The following SBNO2 variants were observed in gnomAD, a reference collection of about 807,000 sequenced individuals.
SBNO2 encodes strawberry notch homolog 2, also known as protein strawberry notch homolog 2.
Under a neutral mutation model 146.3 loss-of-function variants are expected in SBNO2, and 89 were observed. That is an observed-to-expected ratio of 0.61 (90% CI 0.51 to 0.73). The LOEUF is 0.73. SBNO2 is among the 30% of genes least tolerant of loss of function. The pLI is 0.00. For missense variants in SBNO2, 2,092 were observed against 2,003.7 expected, an observed-to-expected ratio of 1.04 and a Z score of -0.84; for synonymous variants, 1,147 against 892.6, an observed-to-expected ratio of 1.29 and a Z score of -5.08.
At chr19:1,171,276 G>A (rs1051294382) in intron 1 of SBNO2, among the ~76,000 whole-genome samples, 2 of 151,568 alleles carry the variant, frequency 1.3e-5, no homozygotes, top group Admixed American at 6.6e-5. Flanking sequence ...ACGCGCACAC[G>A]TCCGTACGAC....
Position 1,158,529 on chromosome 19 carries a change from C to T in SBNO2, c.-126-4127G>A, listed in dbSNP as rs1400920761. On this transcript the variant is annotated intron_variant, in intron 1 of 31. Coordinates refer to ENST00000361757, the MANE Select transcript of SBNO2 (RefSeq NM_014963.3). This position sits in a 1 kb window ranked among gnomAD's most constrained non-coding sequence, Gnocchi z 9.9. The stretch of plus-strand genomic sequence containing the variant: ...CCAGGGCGCACGGCACACCCCAGAG[C>T]GCTCCGCCCAGGCCCGGGTTCTGGT... 6.6e-6 allele frequency among the ~76,000 whole-genome samples: 1 copy of T among 152,308 alleles called. No individual in the cohort carries two copies. The highest frequency in any genetic ancestry group is 1.5e-5 in the Non-Finnish European group (1 of 68,010).
At chr19:1,159,922 G>A (rs2080328373) in intron 1 of SBNO2, among the ~76,000 whole-genome samples, 1 of 151,972 alleles carries the variant, frequency 6.6e-6, no homozygotes. Context: ...AGTGGCAGAG[G>A]AGGGGGCCAG....
intron 2 of SBNO2, among the ~76,000 whole-genome samples, chr19:1,151,695 C>CTCTG (rs2080243865): frequency 6.6e-6 from 1 of 151,296 alleles, no homozygotes; most frequent in African/African-American, 2.5e-5. Flanking sequence ...CGGAGTCTCA[C>CTCTG]TCTGTCACCC....
chr19:1,149,606 C>T (rs544167804), intron 2 of SBNO2, among the ~76,000 whole-genome samples, 164 bp from the exon 3 acceptor site: 19 of 152,290 alleles, frequency 1.2e-4, no homozygotes, highest in Admixed American at 5.9e-4. Context: ...TTAACTGCCC[C>T]GTGCCTCAGT....
chr19:1,118,880 C>CAA (rs3842428), intron 14 of SBNO2, 131 bp downstream of exon 14: 139 of 899,742 alleles, frequency 1.5e-4, no homozygotes, highest in South Asian at 7.4e-4. Context: ...AAAAAAACAA[C>CAA]AAAAAAAAAA....
Position 1,108,484 on chromosome 19 carries a change from C to T in SBNO2, c.3837G>A (p.Pro1279=), listed in dbSNP as rs1180758571. Residue 1279 remains proline, a synonymous_variant, in exon 32 of 32, where the codon CCG becomes CCA. Coordinates refer to ENST00000361757, the MANE Select transcript of SBNO2 (RefSeq NM_014963.3). The stretch of plus-strand genomic sequence containing the variant: ...CGCCGGGGCCGGCGTCCAGGGACAG[C>T]GGCGCCGGGAAAGAGAAGTGCGGGG... ...PPPPHFSFPA[P]LSLDAGPGVV... is the part of the protein sequence containing the mutation. 6.6e-6 allele frequency: 8 copies of T among 1,216,580 alleles called. No individual in the cohort carries two copies. Among genetic ancestry groups the T allele is most frequent in the South Asian group, 2.6e-5 (1 of 39,136 alleles). 75.4% of individuals were successfully genotyped at this position (1,216,580 alleles called of 1,614,324 possible).
chr19:1,151,050 CAG>C (rs1308970356), intron 2 of SBNO2, among the ~76,000 whole-genome samples: 1 of 152,286 alleles, frequency 6.6e-6, no homozygotes, highest in African/African-American at 2.4e-5. Context: ...CCACCAGCCA[CAG>C]GGGCTCCAGA....
chr19:1,171,748 C>T (rs2080480167), intron 1 of SBNO2, among the ~76,000 whole-genome samples: 2 of 150,746 alleles, frequency 1.3e-5, no homozygotes, highest in Admixed American at 6.6e-5. Context: ...TTGGGGGAGG[C>T]CTTAGGCAGC....
intron 2 of SBNO2, among the ~76,000 whole-genome samples, chr19:1,151,521 G>A (rs781165588): frequency 6.6e-6 from 1 of 152,256 alleles, no homozygotes; most frequent in African/African-American, 2.4e-5. Flanking sequence ...GGGCATGGCA[G>A]GCCAATCAGA....
rs972597562 is a variant in SBNO2 at position 1,122,758 on chromosome 19, C to T, written c.814G>A (p.Ala272Thr). The T allele has an allele frequency of 4.6e-5, 70 of 1,537,450 alleles. No individual in the cohort carries two copies. The highest frequency in any genetic ancestry group is 5.1e-5 in the Non-Finnish European group (58 of 1,146,530). Residue 272 changes from alanine to threonine, a missense_variant, in exon 9 of 32, where the codon GCG (alanine) becomes ACG (threonine). Coordinates refer to ENST00000361757, the MANE Select transcript of SBNO2 (RefSeq NM_014963.3). ...HEVLLPSGQR[A>T]GFLIGDGAGV... ...GCCCCATCGCCGATGAGAAAGCCCGCGCGCTGCCCGCTGGGGAGCAGGACC... is the reference window on the plus strand; with the variant it reads ...GCCCCATCGCCGATGAGAAAGCCCGTGCGCTGCCCGCTGGGGAGCAGGACC...
rs567702755 is a variant in SBNO2 at position 1,116,989 on chromosome 19, C to G, written c.1705-63G>C. ...CTGTGGGGCCTCTGTGGGGCCAGAA[C>G]CTGCCAGGCCTGGGGTGATGGCCAC... On this transcript the variant is annotated intron_variant, in intron 15 of 31. Transcript: ENST00000361757. 697 of 1,439,216 alleles carry G rather than the reference C, an allele frequency of 4.8e-4. 8 individuals are homozygous for G. The South Asian group carries it at 8.0e-3, about 16-fold the overall frequency. The allele number at this position is 1,439,216 out of a possible 1,614,324, so 89.2% of individuals were successfully genotyped here.
At chr19:1,115,917 C>T in intron 17 of SBNO2, 104 bp downstream of exon 17, 1 of 906,696 alleles carries the variant, frequency 1.1e-6, no homozygotes, top group Non-Finnish European at 1.7e-6. Flanking sequence ...CTGCATTTGG[C>T]TGAGTGGACG....
Position 1,109,625 on chromosome 19 carries a change from TGA to T in SBNO2, c.3124-29_3124-28del. ...TGCCACGGCACGGGGTGGGGGGGTGTGAGTGTGGTGGGGGCGGGGTGGGCAGA... is the reference window on the plus strand; with the variant it reads ...TGCCACGGCACGGGGTGGGGGGGTGTGTGTGGTGGGGGCGGGGTGGGCAGA... On this transcript the variant is annotated intron_variant, in intron 27 of 31. Coordinates refer to ENST00000361757, the MANE Select transcript of SBNO2 (RefSeq NM_014963.3). The surrounding 1 kb of genome is among the most constrained non-coding windows in gnomAD (Gnocchi z 4.2). 1.4e-6 allele frequency: 2 copies of T among 1,405,326 alleles called. No individual in the cohort carries two copies. The highest frequency in any genetic ancestry group is 1.9e-6 in the Non-Finnish European group (2 of 1,046,870). 87.1% of individuals were successfully genotyped at this position (1,405,326 alleles called of 1,614,324 possible).
Position 1,147,432 on chromosome 19 carries a change from T to A in SBNO2, c.168-12A>T, listed in dbSNP as rs56808651. On this transcript the variant is annotated splice_polypyrimidine_tract_variant and intron_variant, in intron 3 of 31. Transcript: ENST00000361757. Reference sequence around the variant, plus strand: ...AGCTCATGAACGGGCTGGAGGGAGATGGGGGGGGGGGAGGTGAGATGGGGT... The same window carrying A: ...AGCTCATGAACGGGCTGGAGGGAGAAGGGGGGGGGGGAGGTGAGATGGGGT... 1.1e-5 allele frequency: 7 copies of A among 662,128 alleles called. No individual in the cohort carries two copies. The highest frequency in any genetic ancestry group is 2.6e-5 in the African/African-American group (1 of 38,808). 41.0% of individuals were successfully genotyped at this position (662,128 alleles called of 1,614,324 possible).
rs1009790812 is a variant in SBNO2 at position 1,150,314 on chromosome 19, G to A, written c.94-872C>T. Among the ~76,000 whole-genome samples, 3 of 152,146 alleles carry A rather than the reference G, an allele frequency of 2.0e-5. No individual in the cohort carries two copies. The East Asian group carries it at 5.8e-4, about 29-fold the overall frequency. On this transcript the variant is annotated intron_variant, in intron 2 of 31. Transcript: ENST00000361757. The surrounding 1 kb of genome is among the most constrained non-coding windows in gnomAD (Gnocchi z 6.2). ...GCCCAAGGGCGGCAGCGGGCCCAGG[G>A]TCAGCACCTGCGGCTTCGGGGGCAG...
intron 6 of SBNO2, 57 bp from the exon 7 acceptor site, chr19:1,123,696 G>T (rs2079932508): frequency 6.6e-6 from 10 of 1,512,542 alleles, no homozygotes; most frequent in South Asian, 4.7e-5. Flanking sequence ...CGCGGGCACT[G>T]GGCTCCCCCA....
rs369710774 is a variant in SBNO2 at position 1,122,178 on chromosome 19, C to T, written c.1110G>A (p.Arg370=). Residue 370 remains arginine (R), a synonymous_variant, in exon 11 of 32, where the codon CGG becomes CGA. Coordinates refer to ENST00000361757, the MANE Select transcript of SBNO2 (RefSeq NM_014963.3). The stretch of plus-strand genomic sequence containing the variant: ...CCTCCCCACACCAGTCCAGGATCTG[C>T]CGGAGGCGAGTGCGGTGCTGGCCGC... ...QAGGQHRTRL[R]QILDWCGEAF... 3 of 1,532,472 alleles carry T rather than the reference C, an allele frequency of 2.0e-6. No homozygotes were observed. The highest frequency in any genetic ancestry group is 1.2e-5 in the South Asian group (1 of 81,350). The allele number at this position is 1,532,472 out of a possible 1,614,324, so 94.9% of individuals were successfully genotyped here.
chr19:1,156,325 T>G (rs1308156697), intron 1 of SBNO2, among the ~76,000 whole-genome samples: 2 of 152,072 alleles, frequency 1.3e-5, no homozygotes, highest in Non-Finnish European at 2.9e-5. Context: ...GTCCATGCCT[T>G]GGGGACCTGG....
chr19:1,161,097 A>G (rs1404207208), intron 1 of SBNO2, among the ~76,000 whole-genome samples: 6 of 41,896 alleles, frequency 1.4e-4, no homozygotes, highest in Admixed American at 2.4e-4. Flanking sequence ...TGGAGGCTGG[A>G]GGTGGGGGTG....
Sources: allele counts gnomAD v4.1 joint callset (sites outside exome capture counted in the v4.1 genomes callset), GRCh38; gene constraint gnomAD v4.1.1; non-coding constraint Gnocchi (gnomAD v3.1); transcripts MANE v1.5; gene names NCBI Gene and HGNC (gene_info 2026-07-23, HGNC 2026-07-21).